Variants in SLC24A3 observed in about 807,000 individuals in gnomAD.
SLC24A3 encodes solute carrier family 24 member 3, also known as sodium/potassium/calcium exchanger 3.
SLC24A3 carries 28 observed loss-of-function variants against 75.8 expected under a neutral mutation model. That is an observed-to-expected ratio of 0.37 (90% CI 0.27 to 0.51). The LOEUF is 0.51. Ranked by LOEUF, SLC24A3 falls within the 20% of genes least tolerant of loss-of-function variation. The pLI, the probability that SLC24A3 is intolerant of heterozygous loss-of-function variation, is 0.94. For synonymous variants in SLC24A3, 372 were observed against 334.1 expected (o/e 1.11, Z -1.24); for missense variants, 663 against 847.8 (o/e 0.78, Z 2.71).
intron 2 of SLC24A3, among the ~76,000 whole-genome samples, chr20:19,477,422 C>T (rs1312740789): frequency 2.0e-5 from 3 of 152,152 alleles, no homozygotes; most frequent in Non-Finnish European, 4.4e-5. Flanking sequence ...GAGTAGATCG[C>T]CAATTTATTT....
intron 6 of SLC24A3, among the ~76,000 whole-genome samples, chr20:19,590,748 T>G (rs2031363729): frequency 6.6e-6 from 1 of 152,186 alleles, no homozygotes; most frequent in Admixed American, 6.5e-5. Flanking sequence ...TCTCCCGGCA[T>G]CTTCTGCAGG....
At chr20:19,300,741 G>T (rs1464302311) in intron 2 of SLC24A3, among the ~76,000 whole-genome samples, 2 of 152,110 alleles carry the variant, frequency 1.3e-5, no homozygotes, top group Non-Finnish European at 2.9e-5. Flanking sequence ...AGACAAGGAG[G>T]GGTGTCTCTC....
intron 2 of SLC24A3, among the ~76,000 whole-genome samples, chr20:19,421,718 G>C (rs952741775): frequency 1.6e-4 from 24 of 152,236 alleles, no homozygotes; most frequent in African/African-American, 5.1e-4. Context: ...AAAAAAAAGT[G>C]GGGGGACAGA....
intron 2 of SLC24A3, among the ~76,000 whole-genome samples, chr20:19,353,330 G>T (rs752156131): frequency 6.6e-6 from 1 of 152,154 alleles, no homozygotes; most frequent in Non-Finnish European, 1.5e-5. Context: ...TCATCTACAG[G>T]CAGGGGGAAG....
At chr20:19,411,202 G>A (rs1986739194) in intron 2 of SLC24A3, among the ~76,000 whole-genome samples, 1 of 152,068 alleles carries the variant, frequency 6.6e-6, no homozygotes, top group African/African-American at 2.4e-5. Flanking sequence ...TTTGCATCAG[G>A]GCTCCCATTA....
At chr20:19,455,800 G>A (rs1165055062) in intron 2 of SLC24A3, among the ~76,000 whole-genome samples, 1 of 152,202 alleles carries the variant, frequency 6.6e-6, no homozygotes, top group African/African-American at 2.4e-5. Context: ...TAATTTCACA[G>A]TCGCCTTCTG....
intron 2 of SLC24A3, among the ~76,000 whole-genome samples, chr20:19,435,987 A>G (rs1987193772): frequency 1.3e-5 from 2 of 152,238 alleles, no homozygotes; most frequent in Admixed American, 1.3e-4. Context: ...TGTCCTTCCT[A>G]CAAGTGCTGA....
Position 19,247,057 on chromosome 20 carries a change from TAAG to T in SLC24A3, c.143-33898_143-33896del, listed in dbSNP as rs1437986409. Among the ~76,000 whole-genome samples, 7 of 152,172 alleles carry T rather than the reference TAAG, an allele frequency of 4.6e-5. No homozygotes were observed. In the East Asian group the frequency reaches 5.8e-4, roughly 13 times the overall value. On this transcript the variant is annotated intron_variant, in intron 1 of 16. Coordinates refer to ENST00000328041, the MANE Select transcript of SLC24A3 (RefSeq NM_020689.4). The stretch of plus-strand genomic sequence containing the variant: ...AAAGGAAAGTAAAAGCATTTCAACA[TAAG>T]AAGTACATTTGTTTATAAATACGTT...
chr20:19,393,264 A>G (rs1284663356), intron 2 of SLC24A3, among the ~76,000 whole-genome samples: 2 of 152,160 alleles, frequency 1.3e-5, no homozygotes, highest in African/African-American at 2.4e-5. Flanking sequence ...CATTCAGGGT[A>G]CTCGAGGGTA....
At chr20:19,244,860 G>A (rs1479602802) in intron 1 of SLC24A3, among the ~76,000 whole-genome samples, 1 of 152,220 alleles carries the variant, frequency 6.6e-6, no homozygotes, top group Admixed American at 6.5e-5. Context: ...TGTAAATAAA[G>A]AGGAAGCTGA....
At chr20:19,501,830 C>T (rs1348126972) in intron 2 of SLC24A3, among the ~76,000 whole-genome samples, 1 of 152,124 alleles carries the variant, frequency 6.6e-6, no homozygotes, top group Non-Finnish European at 1.5e-5. Context: ...TAGCTCACCT[C>T]CCAGGCTTTC....
At chr20:19,218,278 G>C (rs79799450) in intron 1 of SLC24A3, among the ~76,000 whole-genome samples, 355 of 152,292 alleles carry the variant, frequency 2.3e-3, no homozygotes, top group African/African-American at 8.0e-3. Flanking sequence ...ATTGATAATA[G>C]AATTCTGCTC....
chr20:19,508,544 C>T (rs910592527), intron 2 of SLC24A3, among the ~76,000 whole-genome samples: 1 of 151,760 alleles, frequency 6.6e-6, no homozygotes, highest in Non-Finnish European at 1.5e-5. Flanking sequence ...CCTCTGTGAA[C>T]CTCCGTTTAG....
chr20:19,667,703 C>T (rs1352232259), intron 8 of SLC24A3, among the ~76,000 whole-genome samples: 2 of 152,180 alleles, frequency 1.3e-5, no homozygotes, highest in Admixed American at 1.3e-4. Context: ...TGTATGAAAG[C>T]CATGGCAAGT....
intron 2 of SLC24A3, among the ~76,000 whole-genome samples, chr20:19,415,155 G>T (rs558570872): frequency 6.6e-6 from 1 of 152,298 alleles, no homozygotes; most frequent in African/African-American, 2.4e-5. Context: ...AGCAGCAGGG[G>T]TCTTTGGGAA....
At chr20:19,285,156 GAT>G in intron 2 of SLC24A3, among the ~76,000 whole-genome samples, 1 of 152,074 alleles carries the variant, frequency 6.6e-6, no homozygotes, top group East Asian at 1.9e-4. Flanking sequence ...CTACTTTAAG[GAT>G]ATATTACTTT....
intron 2 of SLC24A3, among the ~76,000 whole-genome samples, chr20:19,412,649 C>T (rs1244559599): frequency 6.6e-6 from 1 of 151,866 alleles, no homozygotes; most frequent in Non-Finnish European, 1.5e-5. Context: ...GGAGGAGCAC[C>T]TGAAGGCAGC....
At chr20:19,436,593 A>G (rs993279953) in intron 2 of SLC24A3, among the ~76,000 whole-genome samples, 5 of 152,088 alleles carry the variant, frequency 3.3e-5, no homozygotes, top group Non-Finnish European at 7.4e-5. Context: ...TGCCTCTCTC[A>G]TCATATCAGT....
At chr20:19,360,114 G>A (rs557151546) in intron 2 of SLC24A3, among the ~76,000 whole-genome samples, 35 of 152,182 alleles carry the variant, frequency 2.3e-4, no homozygotes, top group East Asian at 1.9e-4. Context: ...TGCTAACACC[G>A]TGCTAATAGC....
Sources: gnomAD v4.1 joint callset for allele counts (sites outside exome capture counted in the v4.1 genomes callset) on GRCh38, gnomAD v4.1.1 for gene constraint, MANE v1.5 for transcripts, NCBI Gene and HGNC (gene_info 2026-07-23, HGNC 2026-07-21) for gene names.